KIF4A: variants seen among roughly 807,000 people sequenced by gnomAD.
KIF4A encodes kinesin family member 4A, also known as chromosome-associated kinesin KIF4A.
KIF4A carries 7 observed loss-of-function variants against 105.9 expected under a neutral mutation model. The ratio of observed to expected loss-of-function variants is 0.07; its 90% CI spans 0.04 to 0.12. The LOEUF (loss-of-function observed/expected upper bound fraction) is 0.12. Among genes scored for constraint, KIF4A ranks in the 10% least tolerant of loss-of-function variants. The pLI is 1.00. For synonymous variants in KIF4A, 281 were observed against 331.3 expected (o/e 0.85, Z 1.65); for missense variants, 558 against 929.2 (o/e 0.60, Z 5.19).
intron 15 of KIF4A, among the ~76,000 whole-genome samples, 166 bp from the exon 16 acceptor site, chrX:70,373,985 C>T (rs1175341874): frequency 3.8e-5 from 4 of 106,334 alleles, no homozygotes; most frequent in Non-Finnish European, 3.8e-5. Context: ...CCAAACATTT[C>T]CTACTACATA....
At chrX:70,371,790 G>C (rs2086136454) in intron 15 of KIF4A, among the ~76,000 whole-genome samples, 2 of 104,977 alleles carry the variant, frequency 1.9e-5, no homozygotes, top group Non-Finnish European at 4.0e-5. Flanking sequence ...AGGTGGAGGG[G>C]CTCCTCACTT....
rs1262795787 is a variant in KIF4A, at chrX:70,372,218, G to A, written c.1675-1933G>A. Among the ~76,000 whole-genome samples, 363 of 106,467 alleles carry A rather than the reference G, an allele frequency of 3.4e-3. 1 individual carries two copies. The highest frequency in any genetic ancestry group is 5.6e-3 in the Non-Finnish European group (281 of 50,432). 92.5% of individuals were successfully genotyped at this position (106,467 alleles called of 115,157 possible). ...AGACGATGGGCGGCCAGGCAGAGAC[G>A]CTCCTCACTTCCCAGACGGGGTGGC... On this transcript the variant is annotated intron_variant, in intron 15 of 30. Transcript: ENST00000374403.
intron 13 of KIF4A, among the ~76,000 whole-genome samples, chrX:70,350,786 A>T (rs2086027267): frequency 9.0e-6 from 1 of 111,635 alleles, no homozygotes; most frequent in Non-Finnish European, 1.9e-5. Flanking sequence ...TGATATAGAG[A>T]CTCCATGTAC....
chrX:70,371,888 G>A (rs1207716497), intron 15 of KIF4A, among the ~76,000 whole-genome samples: 4 of 104,346 alleles, frequency 3.8e-5, no homozygotes, highest in East Asian at 3.2e-4. Flanking sequence ...CTTCTCAGAC[G>A]GGGCGGTTGC....
At chrX:70,333,397 G>A (rs1005556183) in intron 9 of KIF4A, among the ~76,000 whole-genome samples, 7 of 110,848 alleles carry the variant, frequency 6.3e-5, no homozygotes, top group Admixed American at 1.9e-4. Flanking sequence ...TAGATAAAAT[G>A]GACAACTCAT....
intron 29 of KIF4A, among the ~76,000 whole-genome samples, chrX:70,418,847 G>A (rs1569256023): frequency 9.0e-6 from 1 of 111,504 alleles, no homozygotes; most frequent in Admixed American, 9.5e-5. Flanking sequence ...CACTTTGGGA[G>A]GCCGAGGCGG....
intron 14 of KIF4A, among the ~76,000 whole-genome samples, chrX:70,352,927 G>A: frequency 8.9e-6 from 1 of 111,804 alleles, no homozygotes; most frequent in East Asian, 2.8e-4. Flanking sequence ...TCTTGTTAGA[G>A]GCTAGTATTC....
intron 7 of KIF4A, among the ~76,000 whole-genome samples, chrX:70,311,771 A>G (rs775556159): frequency 1.8e-5 from 2 of 109,858 alleles, no homozygotes; most frequent in African/African-American, 6.6e-5. Context: ...CAGCAGCCTG[A>G]GCAACATAGC....
intron 15 of KIF4A, among the ~76,000 whole-genome samples, chrX:70,371,291 C>A (rs111875062): frequency 0.019 from 2,019 of 108,028 alleles, 56 homozygotes; most frequent in African/African-American, 0.065. Context: ...TCAGAGAGCA[C>A]AGGGTTGGGG....
intron 9 of KIF4A, among the ~76,000 whole-genome samples, chrX:70,330,894 A>T (rs1374023746): frequency 8.9e-6 from 1 of 111,954 alleles, no homozygotes. Context: ...AGGATGAGAA[A>T]CCCATGTGTA....
At chrX:70,406,763 G>A (rs1442529922) in intron 27 of KIF4A, 130 bp from the exon 28 acceptor site, 2 of 682,479 alleles carry the variant, frequency 2.9e-6, no homozygotes, top group Non-Finnish European at 4.4e-6. Flanking sequence ...AGCCAAGTGG[G>A]GTGGATTTGA....
chrX:70,293,937 CTT>C (rs1318012571), intron 3 of KIF4A, among the ~76,000 whole-genome samples: 1 of 111,790 alleles, frequency 8.9e-6, no homozygotes, highest in Non-Finnish European at 1.9e-5. Context: ...AACTTTGTGT[CTT>C]TCTTCAATCA....
At chrX:70,375,482 C>T (rs1602786962) in intron 17 of KIF4A, 134 bp downstream of exon 17, 1 of 624,072 alleles carries the variant, frequency 1.6e-6, no homozygotes, top group South Asian at 3.2e-5. Flanking sequence ...TGTGAATCTC[C>T]ACAAATGTCC....
intron 15 of KIF4A, among the ~76,000 whole-genome samples, chrX:70,373,243 G>A (rs1266357962): frequency 9.7e-6 from 1 of 103,194 alleles, no homozygotes; most frequent in Non-Finnish European, 2.0e-5. Context: ...CTGTACTCCA[G>A]CCTAGGTAAG....
At chrX:70,318,587 C>A (rs2085878974) in intron 7 of KIF4A, among the ~76,000 whole-genome samples, 1 of 111,982 alleles carries the variant, frequency 8.9e-6, no homozygotes, top group African/African-American at 3.2e-5. Context: ...AACTATCTTT[C>A]AAAGTTTGTT....
At chrX:70,396,132 C>T in intron 22 of KIF4A, 83 bp downstream of exon 22, 1 of 673,248 alleles carries the variant, frequency 1.5e-6, no homozygotes, top group Non-Finnish European at 2.2e-6. Flanking sequence ...GATTCAAAAG[C>T]CTTGTGATGG....
chrX:70,388,408 T>G (rs1206655683), intron 20 of KIF4A, among the ~76,000 whole-genome samples: 1 of 111,777 alleles, frequency 8.9e-6, no homozygotes, highest in Non-Finnish European at 1.9e-5. Flanking sequence ...AGTAGATAGC[T>G]AGGAGTAAAA....
At chrX:70,403,826 A>G (rs757962956) in intron 23 of KIF4A, 38 bp from the exon 24 acceptor site, 2 of 1,126,712 alleles carry the variant, frequency 1.8e-6, no homozygotes. Context: ...AAAGGTGGTC[A>G]TTCTTCAAAT....
chrX:70,316,131 CAAAATTCATGTACCTTTTA>C, intron 7 of KIF4A, among the ~76,000 whole-genome samples: 1 of 111,745 alleles, frequency 8.9e-6, no homozygotes, highest in East Asian at 2.8e-4. Flanking sequence ...ACTATCTTCC[CAAAATTCATGTACCTTTTA>C]AAAATAGATG....
Sources: allele counts gnomAD v4.1 joint callset (sites outside exome capture counted in the v4.1 genomes callset), GRCh38; gene constraint gnomAD v4.1.1; transcripts MANE v1.5; gene names NCBI Gene and HGNC (gene_info 2026-07-23, HGNC 2026-07-21).